RBBP8NL: variants seen among roughly 807,000 people sequenced by gnomAD.
The protein encoded by RBBP8NL is RBBP8 N-terminal like.
A neutral mutation model predicts 62.2 loss-of-function variants in RBBP8NL; 59 were observed. The ratio of observed to expected loss-of-function variants is 0.95; its 90% confidence interval spans 0.77 to 1.18. RBBP8NL has a LOEUF of 1.18. RBBP8NL is among the 50% of genes most tolerant of loss of function. The pLI is 0.00. For missense variants in RBBP8NL, 896 were observed against 899.5 expected (o/e 1.00, Z 0.05); for synonymous variants, 412 against 394.1 (o/e 1.05, Z -0.54).
At chr20:62,419,445 T>G in intron 2 of RBBP8NL, 142 bp downstream of exon 2, 3 of 851,162 alleles carry the variant, frequency 3.5e-6, no homozygotes, top group Non-Finnish European at 5.5e-6. Flanking sequence ...AGGACTCCCC[T>G]GCCTGGGCCA....
rs1988419757 is a variant in RBBP8NL at position 62,410,950 on chromosome 20, C to T, written c.1923G>A (p.Glu641=). The T allele has an allele frequency of 1.2e-6, 2 of 1,613,648 alleles. No homozygotes were observed. Among genetic ancestry groups the T allele is most frequent in the African/African-American group, 1.3e-5 (1 of 74,940 alleles). Residue 641 remains glutamate, a synonymous_variant, in exon 14 of 14, where the codon GAG becomes GAA. Transcript: ENST00000252998. The part of the protein sequence containing the change: ...SRGRRKLTAT[E]GPGSPRDAED... Reference sequence around the variant, plus strand: ...CGGCGTCCCTTGGGCTCCCGGGCCCCTCAGTGGCTGTCAGTTTCCTTCTCC... The same window carrying T: ...CGGCGTCCCTTGGGCTCCCGGGCCCTTCAGTGGCTGTCAGTTTCCTTCTCC...
At chr20:62,416,311 C>G (rs1569025058) in intron 5 of RBBP8NL, 75 bp from the exon 6 acceptor site, 1 of 1,307,084 alleles carries the variant, frequency 7.7e-7, no homozygotes, top group Non-Finnish European at 1.1e-6. Flanking sequence ...GTCACAGCAC[C>G]AGGGAAGCCC....
In RBBP8NL at chr20:62,415,120, C is replaced by T. The variant is rs1988531218; in HGVS notation, c.794+1G>A. ...TGGGTGAGGGTGGGGCAGGCGGGCACCTGTCCAGGGAGAGGCCACGCTCAT... is the reference window on the plus strand; with the variant it reads ...TGGGTGAGGGTGGGGCAGGCGGGCATCTGTCCAGGGAGAGGCCACGCTCAT... On this transcript the variant is annotated splice_donor_variant, in intron 9 of 13. Transcript: ENST00000252998. LOFTEE classifies it high-confidence loss of function. 6.8e-7 allele frequency: 1 copy of T among 1,461,958 alleles called. No homozygotes were observed. Among genetic ancestry groups the T allele is most frequent in the Non-Finnish European group, 9.1e-7 (1 of 1,103,360 alleles). The allele number at this position is 1,461,958 out of a possible 1,614,324, so 90.6% of individuals were successfully genotyped here. A position where few individuals can be genotyped will look rare whatever the true frequency, so the allele number is the denominator to read the frequency against.
At position 62,415,215 on chromosome 20, in the gene RBBP8NL, C is replaced by A. The variant is rs1988534492; in HGVS notation, c.700G>T (p.Ala234Ser). 1.3e-6 allele frequency: 2 copies of A among 1,528,796 alleles called. No homozygotes were observed. Among genetic ancestry groups the A allele is most frequent in the Non-Finnish European group, 1.8e-6 (2 of 1,138,780 alleles). The allele number at this position is 1,528,796 out of a possible 1,614,324, so 94.7% of individuals were successfully genotyped here. ...GTCCCATTGGCGGGGCCTCGGTCGGCAGGGCAAGCCTGGGACCCAGGCCGC... is the reference window on the plus strand; with the variant it reads ...GTCCCATTGGCGGGGCCTCGGTCGGAAGGGCAAGCCTGGGACCCAGGCCGC... ...VVRPGSQACP[A>S]DRGPANGTPP... The change falls in exon 9 of 14, where the codon GCC becomes TCC. Residue 234 changes from alanine (A) to serine (S), a missense_variant. Coordinates refer to ENST00000252998, the MANE Select transcript of RBBP8NL (RefSeq NM_080833.3).
chr20:62,415,827 C>T lies in RBBP8NL; in HGVS notation c.505G>A (p.Ala169Thr), dbSNP rs770081230. ...TEKPPGGHEE[A>T]EEDHQGVGLR... ...CCCACGCCCTGGTGGTCTTCCTCAGCCTCCTCGTGGCCTCCCGGTGGCTTC... is the reference window on the plus strand; with the variant it reads ...CCCACGCCCTGGTGGTCTTCCTCAGTCTCCTCGTGGCCTCCCGGTGGCTTC... The change falls in exon 7 of 14, where the codon GCT becomes ACT. Residue 169 changes from alanine (A) to threonine (T), a missense_variant. Transcript: ENST00000252998. 1.5e-5 allele frequency: 24 copies of T among 1,612,376 alleles called. No homozygotes were observed. In the Admixed American group the frequency reaches 3.8e-4, roughly 26 times the overall value.
Position 62,415,580 on chromosome 20 carries a change from T to C in RBBP8NL, c.625A>G (p.Met209Val), listed in dbSNP as rs757579091. Residue 209 changes from methionine (M) to valine (V), a missense_variant and splice_region_variant, in exon 8 of 14, where the codon ATG becomes GTG. Physicochemically the swap from Met to Val is conservative, Grantham distance 21 (BLOSUM62 1). Transcript: ENST00000252998. The stretch of plus-strand genomic sequence containing the variant: ...GGGCTCCCGGTCCCTGCCCTTACCA[T>C]GTCTGGGGCTCGCGACTCAGGCAGG... Reference protein sequence around the residue: ...ATLPESRAPDMSPQRISNQLH... With the variant: ...ATLPESRAPDVSPQRISNQLH... 46 of 1,612,558 alleles carry C rather than the reference T, an allele frequency of 2.9e-5. 1 individual carries two copies. The highest frequency in any genetic ancestry group is 1.6e-4 in the Middle Eastern group (1 of 6,062).
Position 62,416,253 on chromosome 20 carries a change from T to C in RBBP8NL, c.314-17A>G, listed in dbSNP as rs1359351406. On this transcript the variant is annotated splice_polypyrimidine_tract_variant and intron_variant, in intron 5 of 13. Coordinates refer to ENST00000252998, the MANE Select transcript of RBBP8NL (RefSeq NM_080833.3). ...TCTCGTTGGCTGCAAAAGGCACTGA[T>C]GAGCAAAGCAGCCAGGGGTTGGGGG... The C allele has an allele frequency of 7.4e-7, 1 of 1,348,694 alleles. No individual in the cohort carries two copies. The highest frequency in any genetic ancestry group is 9.9e-7 in the Non-Finnish European group (1 of 1,010,304). The allele number at this position is 1,348,694 out of a possible 1,614,324, so 83.5% of individuals were successfully genotyped here.
Position 62,412,832 on chromosome 20 carries a change from C to T in RBBP8NL, c.1744G>A (p.Glu582Lys), listed in dbSNP as rs141215868. 3.7e-4 allele frequency: 600 copies of T among 1,613,462 alleles called. No individual in the cohort carries two copies. The highest frequency in any genetic ancestry group is 4.7e-4 in the Non-Finnish European group (557 of 1,180,000). ...CTGAGTGTGTGGCCTGGACCCACCTCGCTGCCTGGGGTGTCTGTCTCATCC... is the reference window on the plus strand; with the variant it reads ...CTGAGTGTGTGGCCTGGACCCACCTTGCTGCCTGGGGTGTCTGTCTCATCC... ...ELDETDTPGSEVGLSSQAEAT... is the reference protein window; with the variant it reads ...ELDETDTPGSKVGLSSQAEAT... The change falls in exon 12 of 14, where the codon GAG becomes AAG. Residue 582 changes from glutamate (E) to lysine (K), a missense_variant and splice_region_variant. Glu to Lys is a moderately conservative substitution (Grantham distance 56). Coordinates refer to ENST00000252998, the MANE Select transcript of RBBP8NL (RefSeq NM_080833.3).
chr20:62,421,439 CCA>C (rs1244025597), intron 1 of RBBP8NL, among the ~76,000 whole-genome samples: 2 of 123,036 alleles, frequency 1.6e-5, no homozygotes, highest in Admixed American at 8.9e-5. Flanking sequence ...TGCGTGATTG[CCA>C]GTGTGCATGT....
In RBBP8NL at chr20:62,424,034, A is replaced by T. The variant is rs549144829; in HGVS notation, c.-84+3426T>A. 8.2e-3 allele frequency among the ~76,000 whole-genome samples: 344 copies of T among 42,204 alleles called. 1 individual carries two copies. The highest frequency in any genetic ancestry group is 0.06 in the Middle Eastern group (7 of 116). The allele number at this position is 42,204 out of a possible 152,430, so 27.7% of individuals were successfully genotyped here. A position where few individuals can be genotyped will look rare whatever the true frequency, so the allele number is the denominator to read the frequency against. The stretch of plus-strand genomic sequence containing the variant: ...TCCTCCAGGCCTGGGTGGGGGCTGC[A>T]GTGGGGCTGTGATGGGGGAGCAAGC... On this transcript the variant is annotated intron_variant, in intron 1 of 13. Transcript: ENST00000252998.
chr20:62,415,614 T>C lies in RBBP8NL; in HGVS notation c.591A>G (p.Pro197=). The change falls in exon 8 of 14, where the codon CCA becomes CCG. Residue 197 remains proline (P), a synonymous_variant. Transcript: ENST00000252998. ...HRTSPVAKIS[P]GATLPESRAP... ...CTCGCGACTCAGGCAGGGTGGCCCC[T>C]GGGGAGATTTTGGCCACTGGAGATG... 2 of 1,612,870 alleles carry C rather than the reference T, an allele frequency of 1.2e-6. No homozygotes were observed. Among genetic ancestry groups the C allele is most frequent in the Non-Finnish European group, 8.5e-7 (1 of 1,179,898 alleles).
Position 62,410,807 on chromosome 20 carries a change from T to G in RBBP8NL, c.*71A>C, listed in dbSNP as rs1179838114. The stretch of plus-strand genomic sequence containing the variant: ...AGGGCTGCCTGCTGGTTGGATGGTG[T>G]GCCCTCTCCAGGCCCTGGTGGGCAG... On this transcript the variant is annotated 3_prime_UTR_variant, in exon 14 of 14. Transcript: ENST00000252998. 1 of 1,019,124 alleles carries G rather than the reference T, an allele frequency of 9.8e-7. No homozygotes were observed. The highest frequency in any genetic ancestry group is 1.5e-6 in the Non-Finnish European group (1 of 663,320). The allele number at this position is 1,019,124 out of a possible 1,614,324, so 63.1% of individuals were successfully genotyped here. A position where few individuals can be genotyped will look rare whatever the true frequency, so the allele number is the denominator to read the frequency against.
intron 4 of RBBP8NL, 72 bp downstream of exon 4, chr20:62,417,152 G>A (rs1988586419): frequency 4.3e-6 from 5 of 1,151,858 alleles, no homozygotes; most frequent in Admixed American, 4.4e-5. Context: ...ATTCTCCGAG[G>A]AGCCCTGTCA....
chr20:62,411,012 G>A lies in RBBP8NL; in HGVS notation c.1877-16C>T, dbSNP rs373395980. The A allele has an allele frequency of 8.0e-5, 124 of 1,549,180 alleles. No homozygotes were observed. The highest frequency in any genetic ancestry group is 3.4e-4 in the Middle Eastern group (2 of 5,964). On this transcript the variant is annotated splice_polypyrimidine_tract_variant and intron_variant, in intron 13 of 13. Transcript: ENST00000252998. ...TTTTTGGAGGCTATGGGAAGTGGCC[G>A]GAGGTCAGGCCGGAGCTGTGTGCCT... is the stretch of plus-strand genomic sequence containing the variant.
rs925148980 is a variant in RBBP8NL at position 62,416,357 on chromosome 20, G to A, written c.314-121C>T. ...CCCCCAGCACGTAGCCCAGGGCCTG[G>A]CAGGCAGCAGGGGCGCCGTGGATGC... On this transcript the variant is annotated intron_variant, in intron 5 of 13. Transcript: ENST00000252998. The A allele has an allele frequency of 3.8e-5, 33 of 875,504 alleles. No individual in the cohort carries two copies. The African/African-American group carries it at 5.1e-4, about 14-fold the overall frequency. 54.2% of individuals were successfully genotyped at this position (875,504 alleles called of 1,614,324 possible). A position where few individuals can be genotyped will look rare whatever the true frequency, so the allele number is the denominator to read the frequency against.
intron 10 of RBBP8NL, 111 bp from the exon 11 acceptor site, chr20:62,413,656 C>T (rs533102922): frequency 7.2e-7 from 1 of 1,394,376 alleles, no homozygotes; most frequent in Non-Finnish European, 9.6e-7. Flanking sequence ...GGTGGAGGGG[C>T]CTGCCTTTCC....
chr20:62,427,104 G>C (rs971962504), intron 1 of RBBP8NL, among the ~76,000 whole-genome samples: 2 of 152,210 alleles, frequency 1.3e-5, no homozygotes, highest in African/African-American at 4.8e-5. Context: ...TGTGAACCTG[G>C]ATGGTGGGGC....
chr20:62,417,777 C>G (rs73319063), intron 3 of RBBP8NL, among the ~76,000 whole-genome samples: 2,840 of 78,660 alleles, frequency 0.036, 174 homozygotes, highest in Non-Finnish European at 0.042. Flanking sequence ...ACCACCCCCC[C>G]GGTCATCTGC....
intron 9 of RBBP8NL, 118 bp downstream of exon 9, chr20:62,415,003 A>T: frequency 1.7e-6 from 2 of 1,162,330 alleles, no homozygotes; most frequent in Non-Finnish European, 2.3e-6. Context: ...GCCCAGAAAA[A>T]GCCAAGCCAG....
Sources: gnomAD v4.1 joint callset for allele counts (sites outside exome capture counted in the v4.1 genomes callset) on GRCh38, gnomAD v4.1.1 for gene constraint, MANE v1.5 for transcripts, NCBI Gene and HGNC (gene_info 2026-07-23, HGNC 2026-07-21) for gene names.